The following P2RY8 variants were observed in gnomAD, a reference collection of about 807,000 sequenced individuals.
P2RY8 encodes P2Y receptor family member 8.
In P2RY8, 6 loss-of-function variants were observed where a neutral mutation model predicts 10.0. The observed-to-expected ratio is 0.60, with a 90% CI of 0.33 to 1.19. P2RY8 has a LOEUF of 1.19. P2RY8 is among the 50% of genes most tolerant of loss of function. The pLI, the probability that P2RY8 is intolerant of heterozygous loss-of-function variation, is 0.04. For synonymous variants in P2RY8, 276 were observed against 252.5 expected (o/e 1.09, Z -0.88); for missense variants, 456 against 542.0 (o/e 0.84, Z 1.58).
At chrX:1,483,144 G>A (rs2091954937) in intron 1 of P2RY8, among the ~76,000 whole-genome samples, 1 of 152,194 alleles carries the variant, frequency 6.6e-6, no homozygotes. Context: ...GTTGCTCAGT[G>A]TGAGTTGACG....
At chrX:1,477,815 A>C (rs770356538) in intron 1 of P2RY8, among the ~76,000 whole-genome samples, 3 of 152,314 alleles carry the variant, frequency 2.0e-5, no homozygotes, top group Non-Finnish European at 4.4e-5. Context: ...AGAGCTCAGG[A>C]GTACTTTCCA....
chrX:1,486,442 T>G (rs1225155666), intron 1 of P2RY8, among the ~76,000 whole-genome samples: 1 of 152,172 alleles, frequency 6.6e-6, no homozygotes, highest in Non-Finnish European at 1.5e-5. Context: ...GAAGACATCA[T>G]GCTCAGGGAG....
chrX:1,472,732 T>G (rs1603455219), intron 1 of P2RY8, among the ~76,000 whole-genome samples: 4 of 98,098 alleles, frequency 4.1e-5, no homozygotes, highest in Non-Finnish European at 6.0e-5. Context: ...GGTGGGTGGG[T>G]GGATGTGTGG....
At position 1,524,373 on chromosome X, in the gene P2RY8, T is replaced by TCATC. The variant is rs1261898158; in HGVS notation, c.-25+12544_-25+12547dup. Reference sequence around the variant, plus strand: ...TTCATCCATCCATCCATCCATCCACTCATCCATCCATCCATCCATCCCTCC... The same window carrying TCATC: ...TTCATCCATCCATCCATCCATCCACTCATCCATCCATCCATCCATCCATCCCTCC... On this transcript the variant is annotated intron_variant, in intron 1 of 1. Coordinates refer to ENST00000381297, the MANE Select transcript of P2RY8 (RefSeq NM_178129.5). Among the ~76,000 whole-genome samples the TCATC allele has an allele frequency of 1.9e-4, 19 of 98,564 alleles. 1 individual carries two copies. The highest frequency in any genetic ancestry group is 1.8e-3 in the East Asian group (6 of 3,414). 64.7% of individuals were successfully genotyped at this position (98,564 alleles called of 152,430 possible).
At chrX:1,478,720 C>T (rs1467489251) in intron 1 of P2RY8, among the ~76,000 whole-genome samples, 1 of 152,052 alleles carries the variant, frequency 6.6e-6, no homozygotes, top group Non-Finnish European at 1.5e-5. Context: ...CCTTATGATC[C>T]ACCCACCTCG....
intron 1 of P2RY8, among the ~76,000 whole-genome samples, chrX:1,514,408 CTCCCT>C (rs1305456584): frequency 1.7e-4 from 12 of 69,352 alleles, no homozygotes; most frequent in Admixed American, 1.1e-4. Flanking sequence ...CTTTCCTCCC[CTCCCT>C]TCCCTTCCCT....
intron 1 of P2RY8, among the ~76,000 whole-genome samples, chrX:1,511,561 C>G (rs2092298073): frequency 6.6e-6 from 1 of 152,174 alleles, no homozygotes; most frequent in Non-Finnish European, 1.5e-5. Context: ...GGTCTGTCAC[C>G]TAGGCTGGAA....
intron 1 of P2RY8, among the ~76,000 whole-genome samples, chrX:1,467,615 C>G (rs767521962): frequency 4.3e-4 from 65 of 152,328 alleles, no homozygotes; most frequent in Admixed American, 6.5e-4. Flanking sequence ...AGGGACACTA[C>G]TTTTATTTTG....
At chrX:1,508,704 T>TCCATCCATCCATCTATTCTATCTA (rs1201683452) in intron 1 of P2RY8, among the ~76,000 whole-genome samples, 3 of 111,974 alleles carry the variant, frequency 2.7e-5, no homozygotes, top group African/African-American at 6.8e-5. Context: ...CATCCATCCA[T>TCCATCCATCCATCTATTCTATCTA]TCTATCTATC....
Position 1,463,144 on chromosome X carries a change from A to C in P2RY8, c.*2335T>G. 4.3e-6 allele frequency: 1 copy of C among 233,146 alleles called. No homozygotes were observed. Among genetic ancestry groups the C allele is most frequent in the Non-Finnish European group, 8.5e-6 (1 of 118,032 alleles). 14.4% of individuals were successfully genotyped at this position (233,146 alleles called of 1,614,324 possible). On this transcript the variant is annotated 3_prime_UTR_variant, in exon 2 of 2. Coordinates refer to ENST00000381297, the MANE Select transcript of P2RY8 (RefSeq NM_178129.5). The stretch of plus-strand genomic sequence containing the variant: ...TAGGGATCGTCCGTGCGTTACTGTG[A>C]AGATGCTACTCTGAGGTTTTTCACA...
chrX:1,465,359 C>A lies in P2RY8; in HGVS notation c.*120G>T, dbSNP rs1224543534. Reference sequence around the variant, plus strand: ...AGCCTGGAGACCCTTCCCCACCGGGCCTCTGCAGTGCCTGGGAGCAACGCA... The same window carrying A: ...AGCCTGGAGACCCTTCCCCACCGGGACTCTGCAGTGCCTGGGAGCAACGCA... On this transcript the variant is annotated 3_prime_UTR_variant, in exon 2 of 2. Coordinates refer to ENST00000381297, the MANE Select transcript of P2RY8 (RefSeq NM_178129.5). 11 of 1,467,860 alleles carry A rather than the reference C, an allele frequency of 7.5e-6. No homozygotes were observed. Among genetic ancestry groups the A allele is most frequent in the Admixed American group, 4.6e-5 (2 of 43,242 alleles). The allele number at this position is 1,467,860 out of a possible 1,614,324, so 90.9% of individuals were successfully genotyped here.
chrX:1,478,304 A>C (rs1468379969), intron 1 of P2RY8, among the ~76,000 whole-genome samples: 18 of 142,898 alleles, frequency 1.3e-4, no homozygotes, highest in African/African-American at 4.4e-4. Flanking sequence ...TATTACCAAC[A>C]TATCTTTTGC....
rs1436182921 is a variant in P2RY8 at position 1,537,087 on chromosome X, G to A, written c.-191C>T. Reference sequence around the variant, plus strand: ...AAAGTGCTTGAGAAGGTGTTCGTGGGCGGCAGACGGCTGCCCTTCCAGTTC... The same window carrying A: ...AAAGTGCTTGAGAAGGTGTTCGTGGACGGCAGACGGCTGCCCTTCCAGTTC... On this transcript the variant is annotated 5_prime_UTR_variant, in exon 1 of 2. Coordinates refer to ENST00000381297, the MANE Select transcript of P2RY8 (RefSeq NM_178129.5). The A allele has an allele frequency of 1.3e-5, 3 of 232,554 alleles. No individual in the cohort carries two copies. Among genetic ancestry groups the A allele is most frequent in the African/African-American group, 2.2e-5 (1 of 45,290 alleles). 14.4% of individuals were successfully genotyped at this position (232,554 alleles called of 1,614,324 possible).
intron 1 of P2RY8, among the ~76,000 whole-genome samples, chrX:1,534,735 C>T (rs2092512089): frequency 6.6e-6 from 1 of 152,258 alleles, no homozygotes; most frequent in South Asian, 2.1e-4. Context: ...GGGGAAAGGG[C>T]CTCTCCAAGC....
At chrX:1,500,819 G>A (rs2092171445) in intron 1 of P2RY8, among the ~76,000 whole-genome samples, 1 of 152,068 alleles carries the variant, frequency 6.6e-6, no homozygotes, top group South Asian at 2.1e-4. Flanking sequence ...TGTTTGTGAC[G>A]ACCAATGGGC....
chrX:1,468,726 CTCTCCT>C (rs778904075), intron 1 of P2RY8, among the ~76,000 whole-genome samples: 3,319 of 89,034 alleles, frequency 0.037, 542 homozygotes, highest in Non-Finnish European at 0.055. Context: ...TGGGACCCTC[CTCTCCT>C]CTCTCCTCTC....
intron 1 of P2RY8, among the ~76,000 whole-genome samples, chrX:1,483,952 A>C (rs2091962570): frequency 6.6e-6 from 1 of 151,368 alleles, no homozygotes; most frequent in Non-Finnish European, 1.5e-5. Flanking sequence ...CTAAAACTCA[A>C]AGCTGGGATC....
Position 1,524,557 on chromosome X carries a change from G to GCATCCATC in P2RY8, c.-25+12356_-25+12363dup, listed in dbSNP as rs1245241515. Among the ~76,000 whole-genome samples, 6 of 64,960 alleles carry GCATCCATC rather than the reference G, an allele frequency of 9.2e-5. 1 individual carries two copies. Among genetic ancestry groups the GCATCCATC allele is most frequent in the African/African-American group, 3.1e-4 (5 of 16,336 alleles). 42.6% of individuals were successfully genotyped at this position (64,960 alleles called of 152,430 possible). ...TCCATCCATCCATCCATCCATGCAT[G>GCATCCATC]CATCCATCCATCCATCCATCCATCC... On this transcript the variant is annotated intron_variant, in intron 1 of 1. Coordinates refer to ENST00000381297, the MANE Select transcript of P2RY8 (RefSeq NM_178129.5).
chrX:1,532,299 A>G (rs1440112925), intron 1 of P2RY8, among the ~76,000 whole-genome samples: 3 of 112,314 alleles, frequency 2.7e-5, no homozygotes, highest in Admixed American at 1.1e-4. Flanking sequence ...TGTCATATAT[A>G]TGTGTGCCAT....
Sources: allele counts gnomAD v4.1 joint callset (sites outside exome capture counted in the v4.1 genomes callset), GRCh38; gene constraint gnomAD v4.1.1; transcripts MANE v1.5; gene names NCBI Gene and HGNC (gene_info 2026-07-23, HGNC 2026-07-21).